The following ANGPT2 variants were observed in gnomAD, a reference collection of about 807,000 sequenced individuals.
ANGPT2 encodes angiopoietin-2.
In ANGPT2, 28 loss-of-function variants were observed where a neutral mutation model predicts 62.9. The observed-to-expected ratio is 0.44, with a 90% CI of 0.33 to 0.61. The LOEUF is 0.61. ANGPT2 is among the 20% of genes least tolerant of loss of function. ANGPT2 has a pLI of 0.03. For missense variants in ANGPT2, 727 were observed against 594.9 expected, an observed-to-expected ratio of 1.22 and a Z score of -2.31; for synonymous variants, 284 against 207.8, an observed-to-expected ratio of 1.37 and a Z score of -3.15.
chr8:6,501,699 G>A lies in ANGPT2; in HGVS notation c.*1402C>T, dbSNP rs1311336887. On this transcript the variant is annotated 3_prime_UTR_variant, in exon 9 of 9. Coordinates refer to ENST00000629816, the MANE Select transcript of ANGPT2 (RefSeq NM_001118887.2). ...GCCTCCCGAGTAGCTGGGATTACAG[G>A]TGCCCGCCAGCACGCCTGGCTAATT... The A allele has an allele frequency of 2.0e-5, 3 of 151,896 alleles. No individual in the cohort carries two copies. Among genetic ancestry groups the A allele is most frequent in the East Asian group, 1.9e-4 (1 of 5,164 alleles). 9.4% of individuals were successfully genotyped at this position (151,896 alleles called of 1,614,324 possible).
intron 3 of ANGPT2, among the ~76,000 whole-genome samples, chr8:6,527,120 C>G (rs1270065152): frequency 1.3e-5 from 2 of 152,144 alleles, no homozygotes; most frequent in Non-Finnish European, 2.9e-5. Flanking sequence ...AATAAAATGC[C>G]TGGGCCAGTG....
intron 1 of ANGPT2, among the ~76,000 whole-genome samples, chr8:6,561,801 A>G (rs1307654973): frequency 6.6e-6 from 1 of 152,252 alleles, no homozygotes; most frequent in Non-Finnish European, 1.5e-5. Flanking sequence ...TATTTATGAA[A>G]GAAAAACAGA....
chr8:6,513,335 CTTTT>C (rs1189719867), intron 7 of ANGPT2, among the ~76,000 whole-genome samples: 1 of 143,228 alleles, frequency 7.0e-6, no homozygotes, highest in Non-Finnish European at 1.5e-5. Flanking sequence ...TTTTCTTTTT[CTTTT>C]TTTTTTTTTT....
intron 1 of ANGPT2, among the ~76,000 whole-genome samples, chr8:6,561,081 A>G (rs1825464092): frequency 1.3e-5 from 2 of 152,204 alleles, no homozygotes; most frequent in Non-Finnish European, 2.9e-5. Context: ...AGTTAAGCAG[A>G]TATTTAGGAT....
At chr8:6,518,384 G>A (rs1180359931) in intron 5 of ANGPT2, among the ~76,000 whole-genome samples, 1 of 152,228 alleles carries the variant, frequency 6.6e-6, no homozygotes, top group Non-Finnish European at 1.5e-5. Context: ...GCAGCAGACT[G>A]TGTTGTTTGT....
intron 1 of ANGPT2, among the ~76,000 whole-genome samples, chr8:6,549,850 G>A (rs1329844028): frequency 6.6e-6 from 1 of 152,190 alleles, no homozygotes. Context: ...CAAGATTTGT[G>A]AATTTTATTC....
chr8:6,519,793 C>T lies in ANGPT2; in HGVS notation c.927+71G>A, dbSNP rs935360315. 9.0e-6 allele frequency: 14 copies of T among 1,557,830 alleles called. No homozygotes were observed. In the Admixed American group the frequency reaches 1.9e-4, roughly 21 times the overall value. ...AGATCTTTGGGGAGAGACTTCTGCT[C>T]TCTGGTTCCTCACTCACTAAAGTGG... On this transcript the variant is annotated intron_variant, in intron 5 of 8. Coordinates refer to ENST00000629816, the MANE Select transcript of ANGPT2 (RefSeq NM_001118887.2).
chr8:6,538,746 T>C (rs1444959117), intron 1 of ANGPT2, among the ~76,000 whole-genome samples: 4 of 152,190 alleles, frequency 2.6e-5, no homozygotes, highest in African/African-American at 9.7e-5. Context: ...CCACAGACAA[T>C]AGGTTAATGT....
intron 5 of ANGPT2, among the ~76,000 whole-genome samples, chr8:6,516,422 GTC>G (rs1387795850): frequency 6.6e-6 from 1 of 152,146 alleles, no homozygotes; most frequent in Non-Finnish European, 1.5e-5. Flanking sequence ...TTTGAATAAG[GTC>G]TCTTTGATTC....
At position 6,519,898 on chromosome 8, in the gene ANGPT2, G is replaced by C. The variant is rs61733318; in HGVS notation, c.893C>G (p.Thr298Arg). Residue 298 changes from threonine (T) to arginine (R), a missense_variant, in exon 5 of 9, where the codon ACG (threonine) becomes AGG (arginine). Thr to Arg is a moderately conservative substitution (Grantham distance 71). Transcript: ENST00000629816. ...KSGHTTNGIYTLTFPNSTEEI... is the reference protein window; with the variant it reads ...KSGHTTNGIYRLTFPNSTEEI... Reference sequence around the variant, plus strand: ...TTCTGTAGAATTAGGGAATGTTAACGTGTAGATGCCATTCGTGGTGTGTCC... The same window carrying C: ...TTCTGTAGAATTAGGGAATGTTAACCTGTAGATGCCATTCGTGGTGTGTCC... 12 of 1,613,956 alleles carry C rather than the reference G, an allele frequency of 7.4e-6. No individual in the cohort carries two copies. The highest frequency in any genetic ancestry group is 4.0e-5 in the African/African-American group (3 of 74,944).
Position 6,562,552 on chromosome 8 carries a change from C to CTTTTTTTTTTTGTTTTTTTTTTTT in ANGPT2, c.288+94_288+95insAAAAAAAAAAAACAAAAAAAAAAA, listed in dbSNP as rs1825706400. 2.8e-5 allele frequency: 2 copies of CTTTTTTTTTTTGTTTTTTTTTTTT among 71,748 alleles called. 1 individual carries two copies. Among genetic ancestry groups the CTTTTTTTTTTTGTTTTTTTTTTTT allele is most frequent in the Non-Finnish European group, 5.2e-5 (2 of 38,826 alleles). 4.4% of individuals were successfully genotyped at this position (71,748 alleles called of 1,614,324 possible). ...AGCTCTAATCCTCTTCATCCTCCTT[C>CTTTTTTTTTTTGTTTTTTTTTTTT]TTTTTTTTTTTTTTTTTTTGGTTGT... is the stretch of plus-strand genomic sequence containing the variant. On this transcript the variant is annotated intron_variant, in intron 1 of 8. Transcript: ENST00000629816.
intron 1 of ANGPT2, among the ~76,000 whole-genome samples, chr8:6,534,337 G>T (rs1472358414): frequency 2.0e-5 from 3 of 151,896 alleles, no homozygotes; most frequent in Admixed American, 1.3e-4. Flanking sequence ...TATACGAGAG[G>T]ATGTGTATAG....
intron 3 of ANGPT2, among the ~76,000 whole-genome samples, chr8:6,521,652 A>G (rs1386438111): frequency 6.6e-6 from 1 of 152,212 alleles, no homozygotes; most frequent in Admixed American, 6.5e-5. Context: ...GCATACACAC[A>G]AGAAAAGGTA....
chr8:6,562,762 C>T lies in ANGPT2; in HGVS notation c.173G>A (p.Ser58Asn), dbSNP rs1171913210. The T allele has an allele frequency of 6.2e-7, 1 of 1,613,898 alleles. No individual in the cohort carries two copies. The highest frequency in any genetic ancestry group is 1.1e-5 in the South Asian group (1 of 91,070). Residue 58 changes from serine (S) to asparagine (N), a missense_variant, in exon 1 of 9, where the codon AGC (serine) becomes AAC (asparagine). By Grantham distance (46) the Ser-to-Asn change is conservative. Transcript: ENST00000629816. ...PEMDNCRSSS[S>N]PYVSNAVQRD... ...CTGCACAGCATTGGACACGTAGGGG[C>T]TGGAGGAAGAGCGGCAGTTGTCCAT...
chr8:6,512,367 C>T (rs1170380739), intron 7 of ANGPT2, among the ~76,000 whole-genome samples: 1 of 152,122 alleles, frequency 6.6e-6, no homozygotes, highest in Non-Finnish European at 1.5e-5. Flanking sequence ...CTGTTCAGGT[C>T]GTGGAGCGGA....
In ANGPT2 at chr8:6,508,913, G is replaced by A; in HGVS notation, c.1327+19C>T. 2 of 1,613,918 alleles carry A rather than the reference G, an allele frequency of 1.2e-6. No homozygotes were observed. Among genetic ancestry groups the A allele is most frequent in the Non-Finnish European group, 1.7e-6 (2 of 1,179,964 alleles). On this transcript the variant is annotated intron_variant, in intron 8 of 8. Coordinates refer to ENST00000629816, the MANE Select transcript of ANGPT2 (RefSeq NM_001118887.2). ...CATTCCTTGCCAATACAAATAGGAA[G>A]ACAGAAAGTCATCCCTACCTCCTGT...
chr8:6,521,517 T>C (rs1205723441), intron 3 of ANGPT2, 107 bp from the exon 4 acceptor site: 2 of 830,446 alleles, frequency 2.4e-6, no homozygotes. Flanking sequence ...ATTGTAGTGG[T>C]TATAAAGTAA....
At chr8:6,537,968 C>T (rs1366359992) in intron 1 of ANGPT2, among the ~76,000 whole-genome samples, 1 of 152,068 alleles carries the variant, frequency 6.6e-6, no homozygotes, top group Non-Finnish European at 1.5e-5. Flanking sequence ...TGGACAAAAA[C>T]TAATTAATCA....
chr8:6,519,709 G>C (rs1440808813), intron 5 of ANGPT2, among the ~76,000 whole-genome samples, 155 bp downstream of exon 5: 1 of 152,240 alleles, frequency 6.6e-6, no homozygotes, highest in Non-Finnish European at 1.5e-5. Flanking sequence ...CCCTTGGCAA[G>C]CACTCTAGGC....
Sources: gnomAD v4.1 joint callset for allele counts (sites outside exome capture counted in the v4.1 genomes callset) on GRCh38, gnomAD v4.1.1 for gene constraint, MANE v1.5 for transcripts, NCBI Gene and HGNC (gene_info 2026-07-23, HGNC 2026-07-21) for gene names.